RELN: variants seen among roughly 807,000 people sequenced by gnomAD.
The protein encoded by RELN is reelin.
RELN carries 108 observed loss-of-function variants against 427.6 expected under a neutral mutation model. The observed-to-expected ratio is 0.25, with a 90% CI of 0.22 to 0.30. RELN has a LOEUF of 0.30. Among genes scored for constraint, RELN ranks in the 10% least tolerant of loss-of-function variants. The pLI, the probability that RELN is intolerant of heterozygous loss-of-function variation, is 1.00. For synonymous variants in RELN, 1,524 were observed against 1,513.4 expected, an observed-to-expected ratio of 1.01 and a Z score of -0.16; for missense variants, 3,715 against 4,302.8, an observed-to-expected ratio of 0.86 and a Z score of 3.82.
At chr7:103,473,988 C>T (rs913513496) in intron 64 of RELN, among the ~76,000 whole-genome samples, 1 of 151,996 alleles carries the variant, frequency 6.6e-6, no homozygotes, top group Non-Finnish European at 1.5e-5. Context: ...ATGACATGAA[C>T]TTGAGTTAGG....
At chr7:103,730,131 A>C (rs2115945773) in intron 6 of RELN, among the ~76,000 whole-genome samples, 1 of 152,136 alleles carries the variant, frequency 6.6e-6, no homozygotes, top group South Asian at 2.1e-4. Context: ...AAAGTAAAAG[A>C]ATGTTCAAAC....
chr7:103,538,754 G>A (rs956559353), intron 45 of RELN, among the ~76,000 whole-genome samples: 2 of 152,064 alleles, frequency 1.3e-5, no homozygotes, highest in African/African-American at 4.8e-5. Flanking sequence ...AATACTGCAA[G>A]TGTATCCTTT....
intron 2 of RELN, among the ~76,000 whole-genome samples, chr7:103,860,960 A>T (rs1387266271): frequency 6.6e-6 from 1 of 152,208 alleles, no homozygotes; most frequent in Non-Finnish European, 1.5e-5. Flanking sequence ...AAAATAACAA[A>T]TATAACAAAA....
intron 1 of RELN, among the ~76,000 whole-genome samples, chr7:103,926,840 T>G (rs554161350): frequency 6.6e-6 from 1 of 151,610 alleles, no homozygotes; most frequent in East Asian, 2.0e-4. Context: ...TAGAGATGGG[T>G]TTTCACTGTG....
chr7:103,567,910 C>A (rs529550043), intron 31 of RELN, among the ~76,000 whole-genome samples: 43 of 152,098 alleles, frequency 2.8e-4, no homozygotes, highest in African/African-American at 9.9e-4. Flanking sequence ...GATCCTCCAA[C>A]CTCTGCCCTC....
chr7:103,861,346 A>G (rs1794067314), intron 2 of RELN, among the ~76,000 whole-genome samples: 1 of 152,178 alleles, frequency 6.6e-6, no homozygotes, highest in African/African-American at 2.4e-5. Flanking sequence ...AAATTATTGC[A>G]TTATTATCAG....
intron 3 of RELN, among the ~76,000 whole-genome samples, chr7:103,826,253 C>A (rs1793135036): frequency 6.6e-6 from 1 of 150,772 alleles, no homozygotes; most frequent in Admixed American, 6.6e-5. Flanking sequence ...AGCCAAAAAT[C>A]TTCTATTGTT....
intron 1 of RELN, among the ~76,000 whole-genome samples, chr7:103,945,217 A>G (rs578092711): frequency 2.2e-4 from 34 of 152,208 alleles, no homozygotes; most frequent in African/African-American, 8.2e-4. Context: ...AACAAAATTG[A>G]CCAATTTGAC....
chr7:103,482,806 A>G, intron 63 of RELN, 67 bp downstream of exon 63: 2 of 1,612,586 alleles, frequency 1.2e-6, no homozygotes, highest in East Asian at 2.2e-5. Context: ...ATTAAGGGTC[A>G]TGCTATATCA....
At chr7:103,746,159 A>T (rs545953574) in intron 6 of RELN, among the ~76,000 whole-genome samples, 94 of 152,250 alleles carry the variant, frequency 6.2e-4, no homozygotes, top group Non-Finnish European at 1.1e-3. Context: ...AAAAACAAGC[A>T]ATGGGGAAAG....
intron 53 of RELN, 86 bp from the exon 54 acceptor site, chr7:103,498,338 G>A: frequency 4.8e-6 from 6 of 1,241,782 alleles, no homozygotes; most frequent in Non-Finnish European, 5.8e-6. Flanking sequence ...TGATGTCTTG[G>A]ACTTAAAAAA....
chr7:103,776,393 GTT>G (rs1563006752), intron 4 of RELN, among the ~76,000 whole-genome samples, 162 bp downstream of exon 4: 1 of 152,236 alleles, frequency 6.6e-6, no homozygotes, highest in East Asian at 1.9e-4. Flanking sequence ...ATAGATCTTT[GTT>G]AGTAATTACT....
chr7:103,886,448 T>G (rs1321378381), intron 2 of RELN, among the ~76,000 whole-genome samples: 1 of 152,230 alleles, frequency 6.6e-6, no homozygotes, highest in Non-Finnish European at 1.5e-5. Context: ...TTTGTGATTC[T>G]GTACTAACAA....
At position 103,845,747 on chromosome 7, in the gene RELN, A is replaced by G. The variant is rs182923135; in HGVS notation, c.338-12075T>C. Among the ~76,000 whole-genome samples, 266 of 152,294 alleles carry G rather than the reference A, an allele frequency of 1.7e-3. 1 individual carries two copies. Among genetic ancestry groups the G allele is most frequent in the African/African-American group, 6.1e-3 (254 of 41,578 alleles). ...AATAATAGGCAAACAGCCAAATCGG[A>G]GTAAACTCTCATTCACAATTGCCAC... On this transcript the variant is annotated intron_variant, in intron 2 of 64. Transcript: ENST00000428762.
chr7:103,889,367 G>A (rs866165902), intron 2 of RELN, among the ~76,000 whole-genome samples: 8 of 152,200 alleles, frequency 5.3e-5, no homozygotes, highest in African/African-American at 1.9e-4. Flanking sequence ...AGGACAGAAG[G>A]TCAGCCACCC....
At chr7:103,855,454 A>G (rs138999839) in intron 2 of RELN, among the ~76,000 whole-genome samples, 3 of 152,354 alleles carry the variant, frequency 2.0e-5, no homozygotes, top group Non-Finnish European at 4.4e-5. Flanking sequence ...ATGGGTGCAG[A>G]CCAAGAGAGC....
chr7:103,872,032 TTTTC>T lies in RELN; in HGVS notation c.338-38364_338-38361del, dbSNP rs1301715454. ...TATATGAATATATATATATATATAT[TTTTC>T]TTTTTTCTTTTTTTTCTTTTTTTAT... On this transcript the variant is annotated intron_variant, in intron 2 of 64. Transcript: ENST00000428762. Among the ~76,000 whole-genome samples the T allele has an allele frequency of 4.9e-3, 437 of 88,820 alleles. 1 individual carries two copies. The highest frequency in any genetic ancestry group is 0.023 in the East Asian group (83 of 3,554). 58.3% of individuals were successfully genotyped at this position (88,820 alleles called of 152,430 possible).
chr7:103,731,371 G>A (rs1235894021), intron 6 of RELN, among the ~76,000 whole-genome samples: 1 of 152,096 alleles, frequency 6.6e-6, no homozygotes, highest in African/African-American at 2.4e-5. Flanking sequence ...AGCAAAGGAT[G>A]TGTCTAGAAA....
At chr7:103,979,238 C>T (rs1443511970) in intron 1 of RELN, among the ~76,000 whole-genome samples, 5 of 152,228 alleles carry the variant, frequency 3.3e-5, no homozygotes, top group South Asian at 2.1e-4. Flanking sequence ...CAGCTCTGAC[C>T]GCAAACTTTG....
Sources: gnomAD v4.1 joint callset for allele counts (sites outside exome capture counted in the v4.1 genomes callset) on GRCh38, gnomAD v4.1.1 for gene constraint, MANE v1.5 for transcripts, NCBI Gene and HGNC (gene_info 2026-07-23, HGNC 2026-07-21) for gene names.